The following DGCR2 variants were observed in gnomAD, a reference collection of about 807,000 sequenced individuals.
The protein encoded by DGCR2 is integral membrane protein DGCR2/IDD.
A neutral mutation model predicts 51.6 loss-of-function variants in DGCR2; 24 were observed. The observed-to-expected ratio is 0.47, with a 90% CI of 0.34 to 0.65. DGCR2 has a LOEUF of 0.65. DGCR2 is among the 30% of genes least tolerant of loss of function. The pLI is 0.01. For missense variants in DGCR2, 765 were observed against 772.1 expected (o/e 0.99, Z 0.11); for synonymous variants, 340 against 315.4 (o/e 1.08, Z -0.82).
In DGCR2 at chr22:19,104,129, T is replaced by C. The variant is rs770012048; in HGVS notation, c.80-14639A>G. On this transcript the variant is annotated intron_variant, in intron 1 of 9. Transcript: ENST00000263196. ...AATAGTGTCTGGAAATGCTACCTTATGCTTGTGAGGATGAGAGAAAGGCAA... is the reference window on the plus strand; with the variant it reads ...AATAGTGTCTGGAAATGCTACCTTACGCTTGTGAGGATGAGAGAAAGGCAA... 2.6e-4 allele frequency among the ~76,000 whole-genome samples: 40 copies of C among 152,096 alleles called. 1 individual carries two copies. The highest frequency in any genetic ancestry group is 3.2e-3 in the Middle Eastern group (1 of 316).
chr22:19,114,726 G>A (rs547239382), intron 1 of DGCR2, among the ~76,000 whole-genome samples: 82 of 152,236 alleles, frequency 5.4e-4, no homozygotes, highest in African/African-American at 1.8e-3. Context: ...CCCTCATCCA[G>A]TGCCCTGGCC....
At position 19,086,114 on chromosome 22, in the gene DGCR2, G is replaced by A. The variant is rs183761837; in HGVS notation, c.202+3254C>T. 1.6e-4 allele frequency among the ~76,000 whole-genome samples: 24 copies of A among 152,164 alleles called. No homozygotes were observed. In the South Asian group the frequency reaches 3.9e-3, roughly 25 times the overall value. On this transcript the variant is annotated intron_variant, in intron 2 of 9. Coordinates refer to ENST00000263196, the MANE Select transcript of DGCR2 (RefSeq NM_005137.3). ...TTAATTCAAGGAAGTAAGAAAATAC[G>A]TATTACACATTCTTTGTACATTTTT...
chr22:19,089,990 T>C (rs2083060863), intron 1 of DGCR2, among the ~76,000 whole-genome samples: 1 of 152,238 alleles, frequency 6.6e-6, no homozygotes, highest in Non-Finnish European at 1.5e-5. Flanking sequence ...GAAAAGACTA[T>C]ATGGCCTGCA....
At position 19,063,184 on chromosome 22, in the gene DGCR2, C is replaced by T. The variant is rs763202251; in HGVS notation, c.625+18G>A. The stretch of plus-strand genomic sequence containing the variant: ...CTCTGCCCAGCTTCAAACACTCCCA[C>T]ACACCAGAAGGGCTCACCTTTGAAT... On this transcript the variant is annotated intron_variant, in intron 5 of 9. Coordinates refer to ENST00000263196, the MANE Select transcript of DGCR2 (RefSeq NM_005137.3). 17 of 1,613,290 alleles carry T rather than the reference C, an allele frequency of 1.1e-5. No individual in the cohort carries two copies. The African/African-American group carries it at 2.1e-4, about 20-fold the overall frequency.
chr22:19,086,251 G>A (rs1907055525), intron 2 of DGCR2, among the ~76,000 whole-genome samples: 2 of 151,842 alleles, frequency 1.3e-5, no homozygotes, highest in South Asian at 4.1e-4. Flanking sequence ...GCCGAGGAGA[G>A]CGGATCACAA....
At chr22:19,049,980 C>G (rs1429978293) in intron 6 of DGCR2, among the ~76,000 whole-genome samples, 1 of 151,900 alleles carries the variant, frequency 6.6e-6, no homozygotes, top group Non-Finnish European at 1.5e-5. Context: ...AAATGTGAAA[C>G]ACCATTAAGT....
In DGCR2 at chr22:19,063,055, G is replaced by A. The variant is rs138258954; in HGVS notation, c.625+147C>T. The stretch of plus-strand genomic sequence containing the variant: ...TGCAGGCTGCACTGGCCCCATGACC[G>A]CAGCCCTCCCTGCAACTGGGGCTCA... On this transcript the variant is annotated intron_variant, in intron 5 of 9. Coordinates refer to ENST00000263196, the MANE Select transcript of DGCR2 (RefSeq NM_005137.3). The A allele has an allele frequency of 2.1e-4, 146 of 700,532 alleles. 1 individual carries two copies. Among genetic ancestry groups the A allele is most frequent in the South Asian group, 1.4e-3 (80 of 55,666 alleles). The allele number at this position is 700,532 out of a possible 1,614,324, so 43.4% of individuals were successfully genotyped here. A position where few individuals can be genotyped will look rare whatever the true frequency, so the allele number is the denominator to read the frequency against.
chr22:19,092,905 AG>A (rs2083094646), intron 1 of DGCR2, among the ~76,000 whole-genome samples: 2 of 151,676 alleles, frequency 1.3e-5, no homozygotes, highest in African/African-American at 4.8e-5. Context: ...GAAGAGGAGG[AG>A]GAGGAGGAAA....
chr22:19,057,298 GC>G lies in DGCR2; in HGVS notation c.626-137del. ...CCGCCAAGTACTGGTGGTCACTGTGGCCAGGTGTTCACTCGGGACTCCCCAA... is the reference window on the plus strand; with the variant it reads ...CCGCCAAGTACTGGTGGTCACTGTGGCAGGTGTTCACTCGGGACTCCCCAA... On this transcript the variant is annotated intron_variant, in intron 5 of 9. Coordinates refer to ENST00000263196, the MANE Select transcript of DGCR2 (RefSeq NM_005137.3). The surrounding 1 kb of genome is among the most constrained non-coding windows in gnomAD (Gnocchi z 5.1). 9.8e-7 allele frequency: 1 copy of G among 1,019,118 alleles called. No individual in the cohort carries two copies. The highest frequency in any genetic ancestry group is 1.4e-6 in the Non-Finnish European group (1 of 721,566). The allele number at this position is 1,019,118 out of a possible 1,614,324, so 63.1% of individuals were successfully genotyped here. A position where few individuals can be genotyped will look rare whatever the true frequency, so the allele number is the denominator to read the frequency against.
At chr22:19,062,011 A>C (rs1042177084) in intron 5 of DGCR2, among the ~76,000 whole-genome samples, 1 of 152,138 alleles carries the variant, frequency 6.6e-6, no homozygotes, top group East Asian at 1.9e-4. Flanking sequence ...CCAGTCCCCA[A>C]CTCTGAATGT....
At chr22:19,044,994 CTG>C (rs2082473164) in intron 7 of DGCR2, among the ~76,000 whole-genome samples, 1 of 111,672 alleles carries the variant, frequency 9.0e-6, no homozygotes, top group African/African-American at 4.6e-5. Context: ...CCAAATTTGT[CTG>C]TTTTTTTTAA....
intron 1 of DGCR2, among the ~76,000 whole-genome samples, chr22:19,098,356 C>A (rs946170902): frequency 4.6e-5 from 7 of 152,182 alleles, no homozygotes; most frequent in African/African-American, 1.7e-4. Flanking sequence ...CCTTCAAGGG[C>A]CAGATGATAA....
chr22:19,094,559 G>A (rs559737305), intron 1 of DGCR2, among the ~76,000 whole-genome samples: 27 of 152,372 alleles, frequency 1.8e-4, no homozygotes, highest in South Asian at 8.3e-4. Flanking sequence ...AATGTAAATG[G>A]TACAACTTCT....
At position 19,051,050 on chromosome 22, in the gene DGCR2, G is replaced by A. The variant is rs572574424; in HGVS notation, c.803-2407C>T. On this transcript the variant is annotated intron_variant, in intron 6 of 9. Coordinates refer to ENST00000263196, the MANE Select transcript of DGCR2 (RefSeq NM_005137.3). ...CTAAAAATAGAAAAATTAGCCAGGC[G>A]TGGTGGCTCATGTTGGTAATCCCAG... Among the ~76,000 whole-genome samples the A allele has an allele frequency of 6.6e-5, 10 of 151,958 alleles. No homozygotes were observed. In the South Asian group the frequency reaches 1.0e-3, roughly 16 times the overall value.
At chr22:19,119,095 C>T (rs144666034) in intron 1 of DGCR2, among the ~76,000 whole-genome samples, 275 of 152,290 alleles carry the variant, frequency 1.8e-3, no homozygotes, top group African/African-American at 6.3e-3. Flanking sequence ...TGCACCCTCA[C>T]CTAGAGGACC....
chr22:19,093,002 G>A (rs1416181052), intron 1 of DGCR2, among the ~76,000 whole-genome samples: 3 of 151,938 alleles, frequency 2.0e-5, no homozygotes, highest in Non-Finnish European at 4.4e-5. Context: ...AGAGAAGAAG[G>A]AGGAGGAGGA....
At chr22:19,076,140 A>ATTTTT in intron 2 of DGCR2, among the ~76,000 whole-genome samples, 1 of 64,778 alleles carries the variant, frequency 1.5e-5, no homozygotes, top group South Asian at 5.9e-4. Context: ...TTGTATTTTT[A>ATTTTT]TTTTATTTAT....
At chr22:19,111,820 A>C (rs1295404352) in intron 1 of DGCR2, among the ~76,000 whole-genome samples, 1 of 151,664 alleles carries the variant, frequency 6.6e-6, no homozygotes, top group Non-Finnish European at 1.5e-5. Context: ...ATAGCCCTTG[A>C]ACATCTAAAC....
intron 2 of DGCR2, among the ~76,000 whole-genome samples, chr22:19,076,591 T>C (rs1325433486): frequency 6.6e-6 from 1 of 152,220 alleles, no homozygotes; most frequent in African/African-American, 2.4e-5. Flanking sequence ...TGTCATTTCC[T>C]GTTCAACAGC....
Sources: allele counts gnomAD v4.1 joint callset (sites outside exome capture counted in the v4.1 genomes callset), GRCh38; gene constraint gnomAD v4.1.1; non-coding constraint Gnocchi (gnomAD v3.1); transcripts MANE v1.5; gene names NCBI Gene and HGNC (gene_info 2026-07-23, HGNC 2026-07-21).